SCUBE2: variants seen among roughly 807,000 people sequenced by gnomAD.
SCUBE2 encodes the protein signal peptide, CUB and EGF-like domain-containing protein 2.
In SCUBE2, 114 loss-of-function variants were observed where a neutral mutation model predicts 125.9. The observed-to-expected ratio is 0.91, with a 90% CI of 0.78 to 1.06. The LOEUF (loss-of-function observed/expected upper bound fraction) is 1.06. Among genes scored for constraint, SCUBE2 ranks in the 50% least tolerant of loss-of-function variants. The pLI, the probability that SCUBE2 is intolerant of heterozygous loss-of-function variation, is 0.00. For synonymous variants in SCUBE2, 459 were observed against 492.9 expected, an observed-to-expected ratio of 0.93 and a Z score of 0.91; for missense variants, 1,255 against 1,301.8, an observed-to-expected ratio of 0.96 and a Z score of 0.55.
rs780736500 is a variant in SCUBE2 at position 9,066,753 on chromosome 11, G to A, written c.704C>T (p.Pro235Leu). The change falls in exon 6 of 23, where the codon CCA becomes CTA. Residue 235 changes from proline to leucine, a missense_variant. Pro to Leu is a moderately conservative substitution (Grantham distance 98). Transcript: ENST00000649792. ...QHSCDDTADG[P>L]ECSCHPQYKM... ...GTACTGTGGATGGCAGCTGCACTCT[G>A]GGCCATCGGCTGTATCGTCACAGGA... The A allele has an allele frequency of 6.8e-6, 11 of 1,614,026 alleles. No individual in the cohort carries two copies. The highest frequency in any genetic ancestry group is 9.3e-6 in the Non-Finnish European group (11 of 1,180,030).
At chr11:9,090,200 A>G (rs2136042338) in intron 1 of SCUBE2, 1 of 169,606 alleles carries the variant, frequency 5.9e-6, no homozygotes, top group Non-Finnish European at 1.3e-5. Flanking sequence ...TCCACTAGAC[A>G]ATGTCTTGAC....
At chr11:9,052,700 T>G in intron 13 of SCUBE2, 46 bp downstream of exon 13, 1 of 1,402,168 alleles carries the variant, frequency 7.1e-7, no homozygotes, top group Non-Finnish European at 9.7e-7. Flanking sequence ...TGAAGCCCCT[T>G]GAACACAGTG....
intron 7 of SCUBE2, chr11:9,065,004 T>C (rs1860070427): frequency 6.6e-6 from 1 of 152,086 alleles, no homozygotes; most frequent in Non-Finnish European, 1.5e-5. Flanking sequence ...TCATCTCTTC[T>C]ACTATTATCA....
At chr11:9,072,505 G>A (rs148449706) in intron 4 of SCUBE2, among the ~76,000 whole-genome samples, 417 of 152,038 alleles carry the variant, frequency 2.7e-3, no homozygotes, top group African/African-American at 9.4e-3. Flanking sequence ...ACCACGTCTG[G>A]CACCACTGTG....
intron 6 of SCUBE2, 62 bp from the exon 7 acceptor site, chr11:9,066,042 A>G: frequency 8.8e-7 from 1 of 1,141,600 alleles, no homozygotes; most frequent in East Asian, 2.4e-5. Context: ...TCATCCCCAT[A>G]CAACTGTGTT....
Position 9,091,283 on chromosome 11 carries a change from G to T in SCUBE2, c.133+113C>A. ...GGGGAGCAGAGGCCCCCGCGGAGCT[G>T]CAGCCGCCAGCCCCGAGCCCCGCGC... On this transcript the variant is annotated intron_variant, in intron 1 of 22. Coordinates refer to ENST00000649792, the MANE Select transcript of SCUBE2 (RefSeq NM_001367977.2). This position sits in a 1 kb window ranked among gnomAD's most constrained non-coding sequence, Gnocchi z 8.5. 2 of 743,394 alleles carry T rather than the reference G, an allele frequency of 2.7e-6. No homozygotes were observed. The highest frequency in any genetic ancestry group is 3.6e-6 in the Non-Finnish European group (2 of 556,300). The allele number at this position is 743,394 out of a possible 1,614,324, so 46.0% of individuals were successfully genotyped here. A position where few individuals can be genotyped will look rare whatever the true frequency, so the allele number is the denominator to read the frequency against.
At chr11:9,026,018 A>T in intron 20 of SCUBE2, 164 bp from the exon 21 acceptor site, 2 of 690,950 alleles carry the variant, frequency 2.9e-6, no homozygotes, top group Non-Finnish European at 2.3e-6. Context: ...GAAACAGAGT[A>T]GATTCAGCTG....
chr11:9,071,841 T>C (rs1443555678), intron 4 of SCUBE2, among the ~76,000 whole-genome samples: 1 of 152,084 alleles, frequency 6.6e-6, no homozygotes, highest in Non-Finnish European at 1.5e-5. Flanking sequence ...CAGTACACCA[T>C]CTAAATATTC....
chr11:9,066,244 A>T (rs1398182856), intron 6 of SCUBE2, among the ~76,000 whole-genome samples: 1 of 152,234 alleles, frequency 6.6e-6, no homozygotes, highest in Non-Finnish European at 1.5e-5. Context: ...TGCAAGCTTC[A>T]GTCCCCTGAG....
intron 3 of SCUBE2, among the ~76,000 whole-genome samples, chr11:9,076,900 G>C (rs1590143363): frequency 6.6e-6 from 1 of 152,226 alleles, no homozygotes; most frequent in South Asian, 2.1e-4. Context: ...AACACACCTG[G>C]CCTAGGTGTT....
intron 17 of SCUBE2, among the ~76,000 whole-genome samples, chr11:9,032,917 A>T (rs1450393158): frequency 9.9e-5 from 15 of 152,280 alleles, no homozygotes; most frequent in Admixed American, 9.8e-4. Context: ...GGAGTTATTT[A>T]GGTGGGAAAT....
intron 3 of SCUBE2, among the ~76,000 whole-genome samples, chr11:9,077,375 C>G (rs904334440): frequency 2.0e-5 from 3 of 152,184 alleles, no homozygotes; most frequent in Non-Finnish European, 4.4e-5. Context: ...AAAATAGAAA[C>G]TGAAGGCAGA....
rs948132013 is a variant in SCUBE2 at position 9,019,511 on chromosome 11, C to T, written c.*1534G>A. 5.9e-5 allele frequency among the ~76,000 whole-genome samples: 7 copies of T among 118,456 alleles called. No homozygotes were observed. In the Admixed American group the frequency reaches 6.0e-4, roughly 10 times the overall value. The allele number at this position is 118,456 out of a possible 152,430, so 77.7% of individuals were successfully genotyped here. A position where few individuals can be genotyped will look rare whatever the true frequency, so the allele number is the denominator to read the frequency against. On this transcript the variant is annotated 3_prime_UTR_variant, in exon 23 of 23. Transcript: ENST00000649792. Reference sequence around the variant, plus strand: ...CAAAGTCCAAGTGCTTGTTTTAATGCTATTTTTTTTTTAATGATGATGTTC... The same window carrying T: ...CAAAGTCCAAGTGCTTGTTTTAATGTTATTTTTTTTTTAATGATGATGTTC...
At chr11:9,058,931 T>C (rs1044824595) in intron 9 of SCUBE2, among the ~76,000 whole-genome samples, 1 of 152,216 alleles carries the variant, frequency 6.6e-6, no homozygotes, top group Non-Finnish European at 1.5e-5. Context: ...CCACCAACTT[T>C]TGTGATAAAT....
At chr11:9,036,375 A>AT (rs747226400) in intron 16 of SCUBE2, among the ~76,000 whole-genome samples, 30 of 152,274 alleles carry the variant, frequency 2.0e-4, no homozygotes, top group Non-Finnish European at 1.3e-4. Context: ...GCTGGGCTGA[A>AT]TTCTGTATTA....
At position 9,047,505 on chromosome 11, in the gene SCUBE2, A is replaced by G. The variant is rs1014808535; in HGVS notation, c.1853T>C (p.Ile618Thr). ...GTGGACGGCCTTTCTGAGCGTGCGGATGGCTTTACGGAGCCGCTTCTCGGT... is the reference window on the plus strand; with the variant it reads ...GTGGACGGCCTTTCTGAGCGTGCGGGTGGCTTTACGGAGCCGCTTCTCGGT... Reference protein sequence around the residue: ...KRTEKRLRKAIRTLRKAVHRE... With the variant: ...KRTEKRLRKATRTLRKAVHRE... The change falls in exon 16 of 23, where the codon ATC (isoleucine) becomes ACC (threonine). Residue 618 changes from isoleucine to threonine, a missense_variant. By Grantham distance (89) the Ile-to-Thr change is moderately conservative (BLOSUM62 -1). Coordinates refer to ENST00000649792, the MANE Select transcript of SCUBE2 (RefSeq NM_001367977.2). The G allele has an allele frequency of 8.7e-6, 14 of 1,613,208 alleles. No homozygotes were observed. Among genetic ancestry groups the G allele is most frequent in the Non-Finnish European group, 1.2e-5 (14 of 1,179,916 alleles).
At chr11:9,054,698 A>ACAATATATAT (rs1564822811) in intron 10 of SCUBE2, among the ~76,000 whole-genome samples, 24 of 61,234 alleles carry the variant, frequency 3.9e-4, no homozygotes, top group South Asian at 7.9e-4. Flanking sequence ...GCAAAGCACT[A>ACAATATATAT]GTGTATATAT....
At chr11:9,085,166 C>A (rs1435162256) in intron 2 of SCUBE2, among the ~76,000 whole-genome samples, 1 of 152,064 alleles carries the variant, frequency 6.6e-6, no homozygotes, top group Non-Finnish European at 1.5e-5. Flanking sequence ...GACACAACTG[C>A]TAAATCTAAT....
At chr11:9,066,637 TA>T in intron 6 of SCUBE2, 59 bp downstream of exon 6, 1 of 1,322,926 alleles carries the variant, frequency 7.6e-7, no homozygotes, top group South Asian at 1.2e-5. Context: ...CATTAAGGGG[TA>T]GGGGTAGGGA....
Sources: gnomAD v4.1 joint callset for allele counts (sites outside exome capture counted in the v4.1 genomes callset) on GRCh38, gnomAD v4.1.1 for gene constraint, Gnocchi (gnomAD v3.1) non-coding constraint, MANE v1.5 for transcripts, NCBI Gene and HGNC (gene_info 2026-07-23, HGNC 2026-07-21) for gene names.